The following PHTF2 variants were observed in gnomAD, a reference collection of about 807,000 sequenced individuals.
The protein encoded by PHTF2 is protein PHTF2.
PHTF2 carries 60 observed loss-of-function variants against 101.2 expected under a neutral mutation model. The ratio of observed to expected loss-of-function variants is 0.59; its 90% CI spans 0.48 to 0.73. PHTF2 has a LOEUF of 0.73. Ranked by LOEUF, PHTF2 falls within the 30% of genes least tolerant of loss-of-function variation. The pLI, the probability that PHTF2 is intolerant of heterozygous loss-of-function variation, is 0.00. For missense variants in PHTF2, 747 were observed against 908.7 expected, an observed-to-expected ratio of 0.82 and a Z score of 2.29; for synonymous variants, 311 against 307.3, an observed-to-expected ratio of 1.01 and a Z score of -0.13.
At chr7:77,913,918 T>C (rs944697484) in intron 9 of PHTF2, among the ~76,000 whole-genome samples, 1 of 151,754 alleles carries the variant, frequency 6.6e-6, no homozygotes, top group African/African-American at 2.4e-5. Flanking sequence ...ACAAAAAAAT[T>C]AGCCAGGCAT....
At chr7:77,917,518 A>G (rs1803044083) in intron 9 of PHTF2, among the ~76,000 whole-genome samples, 1 of 152,218 alleles carries the variant, frequency 6.6e-6, no homozygotes, top group South Asian at 2.1e-4. Context: ...GCTCCAATTC[A>G]AATACAATCC....
At chr7:77,851,219 TGAAGCCA>T (rs1796734120) in intron 2 of PHTF2, among the ~76,000 whole-genome samples, 5 of 152,226 alleles carry the variant, frequency 3.3e-5, no homozygotes, top group Non-Finnish European at 7.3e-5. Context: ...AGTATAGCAG[TGAAGCCA>T]TTGGGTCCTG....
At chr7:77,872,777 G>T (rs928091665) in intron 3 of PHTF2, among the ~76,000 whole-genome samples, 5 of 152,126 alleles carry the variant, frequency 3.3e-5, no homozygotes, top group Non-Finnish European at 7.3e-5. Flanking sequence ...AGGTCAGTAG[G>T]TCTAAAGTGA....
chr7:77,906,221 C>T (rs1312090594), intron 7 of PHTF2: 4 of 152,336 alleles, frequency 2.6e-5, no homozygotes, highest in Admixed American at 6.5e-5. Context: ...CTCCTGACCT[C>T]GTGTTCTGCC....
chr7:77,873,276 A>T (rs1798669074), intron 3 of PHTF2, among the ~76,000 whole-genome samples: 1 of 152,128 alleles, frequency 6.6e-6, no homozygotes, highest in Admixed American at 6.5e-5. Flanking sequence ...CAGAGTCCCT[A>T]CTTAGTGGGC....
intron 3 of PHTF2, among the ~76,000 whole-genome samples, chr7:77,863,912 G>A (rs926227015): frequency 6.6e-6 from 1 of 151,792 alleles, no homozygotes. Context: ...AGTAGCTGGG[G>A]ACTACAGGAG....
exon 9 of PHTF2, chr7:77,910,290 T>G (rs751355839): frequency 6.2e-7 from 1 of 1,613,506 alleles, no homozygotes; most frequent in South Asian, 1.1e-5. Flanking sequence ...GGGAAGGAGA[T>G]GGTTCTAGTA....
chr7:77,854,425 C>T (rs1417756186), intron 2 of PHTF2, among the ~76,000 whole-genome samples: 1 of 152,144 alleles, frequency 6.6e-6, no homozygotes, highest in African/African-American at 2.4e-5. Flanking sequence ...GTGTCTTGCC[C>T]AAGGCCTACA....
At chr7:77,855,307 C>T (rs919854169) in intron 3 of PHTF2, among the ~76,000 whole-genome samples, 5 of 152,210 alleles carry the variant, frequency 3.3e-5, no homozygotes, top group African/African-American at 1.2e-4. Context: ...CTGCCCAGTG[C>T]CCTATTCTGT....
chr7:77,910,433 T>C, intron 9 of PHTF2, 24 bp downstream of exon 8: 1 of 1,574,080 alleles, frequency 6.4e-7, no homozygotes, highest in Non-Finnish European at 8.7e-7. Context: ...TAAGGTTTTA[T>C]ATGGCATAGA....
chr7:77,924,368 A>G (rs1803765651), intron 11 of PHTF2, among the ~76,000 whole-genome samples: 1 of 152,150 alleles, frequency 6.6e-6, no homozygotes, highest in African/African-American at 2.4e-5. Context: ...ATCACTAAAT[A>G]ACCAAAACCA....
At chr7:77,916,063 T>A (rs199581891) in intron 9 of PHTF2, among the ~76,000 whole-genome samples, 1 of 152,136 alleles carries the variant, frequency 6.6e-6, no homozygotes. Flanking sequence ...ATTCCTAATA[T>A]CAGCTTCTTT....
chr7:77,820,140 C>T (rs1050205804), intron 1 of PHTF2, among the ~76,000 whole-genome samples: 6 of 152,166 alleles, frequency 3.9e-5, no homozygotes, highest in East Asian at 1.9e-4. Context: ...CTGCCCTCCT[C>T]GGCCTCCCAA....
intron 1 of PHTF2, among the ~76,000 whole-genome samples, chr7:77,811,524 T>C (rs1307988474): frequency 6.6e-6 from 1 of 152,238 alleles, no homozygotes; most frequent in East Asian, 1.9e-4. Context: ...TTTTTATAAT[T>C]TTGTAATTTC....
chr7:77,808,889 C>G (rs1226463974), intron 1 of PHTF2, among the ~76,000 whole-genome samples: 3 of 151,916 alleles, frequency 2.0e-5, no homozygotes, highest in African/African-American at 7.3e-5. Flanking sequence ...AAATGTTTCA[C>G]TTTTTTTTCT....
intron 1 of PHTF2, among the ~76,000 whole-genome samples, chr7:77,825,935 T>G (rs1794668308): frequency 6.6e-6 from 1 of 152,016 alleles, no homozygotes; most frequent in South Asian, 2.1e-4. Flanking sequence ...CTTCAACAAA[T>G]GGAACAGAAA....
At chr7:77,861,414 AT>A (rs139393521) in intron 3 of PHTF2, among the ~76,000 whole-genome samples, 48 of 151,458 alleles carry the variant, frequency 3.2e-4, no homozygotes, top group Middle Eastern at 3.4e-3. Flanking sequence ...TTTTCTGGGT[AT>A]TTTTTTTTAA....
intron 1 of PHTF2, among the ~76,000 whole-genome samples, chr7:77,828,584 G>T (rs1794854302): frequency 6.6e-6 from 1 of 152,032 alleles, no homozygotes; most frequent in Non-Finnish European, 1.5e-5. Context: ...GCTGAGGCAG[G>T]CAGATCACTT....
chr7:77,887,417 A>C (rs1382390168), intron 3 of PHTF2, among the ~76,000 whole-genome samples: 1 of 146,516 alleles, frequency 6.8e-6, no homozygotes, highest in Non-Finnish European at 1.5e-5. Flanking sequence ...TTCCATAATT[A>C]TTGTTGTTGT....
Sources: gnomAD v4.1 joint callset for allele counts (sites outside exome capture counted in the v4.1 genomes callset) on GRCh38, gnomAD v4.1.1 for gene constraint, MANE v1.5 for transcripts, NCBI Gene and HGNC (gene_info 2026-07-23, HGNC 2026-07-21) for gene names.